ATG5: variants seen among roughly 807,000 people sequenced by gnomAD.
ATG5 encodes autophagy related 5.
ATG5 carries 14 observed loss-of-function variants against 36.5 expected under a neutral mutation model. The observed-to-expected ratio is 0.38, with a 90% CI of 0.25 to 0.60. ATG5 has a LOEUF of 0.60. Ranked by LOEUF, ATG5 falls within the 20% of genes least tolerant of loss-of-function variation. The probability of loss-of-function intolerance (pLI) is 0.60; values close to 1 mark genes in which losing one functional copy is unlikely to be tolerated. For missense variants in ATG5, 195 were observed against 326.7 expected, an observed-to-expected ratio of 0.60 and a Z score of 3.11; for synonymous variants, 95 against 101.5, an observed-to-expected ratio of 0.94 and a Z score of 0.38.
At chr6:106,269,362 G>A (rs1364818596) in intron 5 of ATG5, among the ~76,000 whole-genome samples, 7 of 151,740 alleles carry the variant, frequency 4.6e-5, no homozygotes, top group Admixed American at 3.9e-4. Flanking sequence ...TGGCTTCACC[G>A]GGGCTGCTGG....
intron 5 of ATG5, among the ~76,000 whole-genome samples, chr6:106,267,963 T>C (rs984644807): frequency 1.3e-5 from 2 of 151,978 alleles, no homozygotes; most frequent in African/African-American, 2.4e-5. Flanking sequence ...CCAAAAGCAA[T>C]GGGAACAAAA....
intron 5 of ATG5, among the ~76,000 whole-genome samples, chr6:106,272,748 T>C (rs1197200490): frequency 6.6e-6 from 1 of 152,200 alleles, no homozygotes; most frequent in Non-Finnish European, 1.5e-5. Flanking sequence ...GGCTAGCTAA[T>C]CCACACTACT....
intron 6 of ATG5, among the ~76,000 whole-genome samples, chr6:106,224,371 G>T (rs1390252390): frequency 6.6e-6 from 1 of 152,122 alleles, no homozygotes; most frequent in East Asian, 1.9e-4. Context: ...GGCAAGAAGG[G>T]AATAAATGAA....
intron 3 of ATG5, among the ~76,000 whole-genome samples, chr6:106,300,928 T>C (rs1770182483): frequency 6.6e-6 from 1 of 152,106 alleles, no homozygotes; most frequent in Non-Finnish European, 1.5e-5. Context: ...GTTATTTATT[T>C]TACAGTTGAC....
chr6:106,243,904 CTTTTTTTTTTTTTT>C (rs35701133), intron 6 of ATG5, among the ~76,000 whole-genome samples: 3 of 54,910 alleles, frequency 5.5e-5, no homozygotes, highest in East Asian at 7.1e-4. Flanking sequence ...AGGAACCATC[CTTTTTTTTTTTTTT>C]TTTTTTTTTT....
intron 6 of ATG5, among the ~76,000 whole-genome samples, chr6:106,228,767 C>T (rs778458301): frequency 1.8e-4 from 28 of 152,142 alleles, no homozygotes; most frequent in Non-Finnish European, 3.5e-4. Context: ...GGGCACCTGT[C>T]GGCCGGTTAA....
At chr6:106,260,120 T>TG (rs1300588316) in intron 5 of ATG5, among the ~76,000 whole-genome samples, 22 of 151,930 alleles carry the variant, frequency 1.4e-4, no homozygotes, top group Middle Eastern at 3.2e-3. Flanking sequence ...GGTGGGGGCC[T>TG]GGGGGAAGGG....
chr6:106,201,889 C>A, intron 7 of ATG5, 83 bp downstream of exon 7: 1 of 991,584 alleles, frequency 1.0e-6, no homozygotes, highest in Non-Finnish European at 1.5e-6. Flanking sequence ...CTGAAATAAC[C>A]TGTTGTTTAT....
chr6:106,215,504 T>C (rs967687853), intron 6 of ATG5, among the ~76,000 whole-genome samples: 3 of 152,142 alleles, frequency 2.0e-5, no homozygotes, highest in Non-Finnish European at 2.9e-5. Flanking sequence ...AAAAATTCTT[T>C]TGAAATTTTT....
At chr6:106,315,839 A>C (rs1353345219) in intron 2 of ATG5, among the ~76,000 whole-genome samples, 2 of 152,230 alleles carry the variant, frequency 1.3e-5, no homozygotes, top group African/African-American at 4.8e-5. Flanking sequence ...TGATGATTCC[A>C]TTAACATACC....
intron 6 of ATG5, among the ~76,000 whole-genome samples, chr6:106,230,372 T>A (rs1163234399): frequency 6.6e-6 from 1 of 152,172 alleles, no homozygotes; most frequent in Non-Finnish European, 1.5e-5. Flanking sequence ...ACTCAGGAAC[T>A]CAGCCTAGCT....
chr6:106,210,937 T>C (rs1475277219), intron 6 of ATG5, among the ~76,000 whole-genome samples: 1 of 152,210 alleles, frequency 6.6e-6, no homozygotes, highest in East Asian at 1.9e-4. Context: ...ATATGTATTC[T>C]GTATTGAGCT....
At chr6:106,247,042 G>A (rs1309834844) in intron 6 of ATG5, among the ~76,000 whole-genome samples, 1 of 152,098 alleles carries the variant, frequency 6.6e-6, no homozygotes, top group Non-Finnish European at 1.5e-5. Flanking sequence ...CCAGTATATT[G>A]AGATGTTTAC....
intron 6 of ATG5, among the ~76,000 whole-genome samples, chr6:106,246,435 TTC>T (rs145623033): frequency 0.03 from 3,802 of 125,522 alleles, 61 homozygotes; most frequent in African/African-American, 0.062. Flanking sequence ...CACACACCCT[TTC>T]TCTCTCTCTC....
chr6:106,294,767 C>G (rs917639794), intron 3 of ATG5, among the ~76,000 whole-genome samples: 2 of 149,434 alleles, frequency 1.3e-5, no homozygotes, highest in Non-Finnish European at 1.5e-5. Flanking sequence ...CTCTTGAGCC[C>G]GAGAGGCAGA....
chr6:106,261,158 T>C (rs1432586908), intron 5 of ATG5, among the ~76,000 whole-genome samples: 1 of 152,134 alleles, frequency 6.6e-6, no homozygotes, highest in Non-Finnish European at 1.5e-5. Context: ...TCAAGTGAGC[T>C]AGAGCTGAAA....
intron 5 of ATG5, among the ~76,000 whole-genome samples, chr6:106,264,279 A>C (rs1467927724): frequency 6.6e-6 from 1 of 152,220 alleles, no homozygotes; most frequent in Non-Finnish European, 1.5e-5. Flanking sequence ...AAAAAGTATG[A>C]ACACAAGATT....
At chr6:106,285,578 C>A (rs1197280351) in intron 4 of ATG5, among the ~76,000 whole-genome samples, 1 of 152,156 alleles carries the variant, frequency 6.6e-6, no homozygotes, top group African/African-American at 2.4e-5. Context: ...GGGTTAAAGA[C>A]TGGCAATAGA....
rs1208711821 is a variant in ATG5, at chr6:106,298,526, G to A, written c.237-5420C>T. 4.0e-5 allele frequency among the ~76,000 whole-genome samples: 6 copies of A among 151,672 alleles called. No individual in the cohort carries two copies. The South Asian group carries it at 1.2e-3, about 32-fold the overall frequency. ...AGATAGTGCGACTGCACTCCAGCCTGGGCGACAGAGGGAGACTCCATCTCC... is the reference window on the plus strand; with the variant it reads ...AGATAGTGCGACTGCACTCCAGCCTAGGCGACAGAGGGAGACTCCATCTCC... On this transcript the variant is annotated intron_variant, in intron 3 of 7. Coordinates refer to ENST00000369076, the MANE Select transcript of ATG5 (RefSeq NM_004849.4).
Sources: allele counts gnomAD v4.1 joint callset (sites outside exome capture counted in the v4.1 genomes callset), GRCh38; gene constraint gnomAD v4.1.1; transcripts MANE v1.5; gene names NCBI Gene and HGNC (gene_info 2026-07-23, HGNC 2026-07-21).